RGS16: variants seen among roughly 807,000 people sequenced by gnomAD.
RGS16 encodes hRGS-r.
A neutral mutation model predicts 18.1 loss-of-function variants in RGS16; 12 were observed. The observed-to-expected ratio is 0.66, with a 90% CI of 0.42 to 1.07. The LOEUF (loss-of-function observed/expected upper bound fraction) is 1.07. Ranked by LOEUF, RGS16 falls within the 50% of genes least tolerant of loss-of-function variation. RGS16 has a pLI of 0.00. For missense variants in RGS16, 238 were observed against 249.2 expected (o/e 0.95, Z 0.30); for synonymous variants, 88 against 102.0 (o/e 0.86, Z 0.83).
intron 4 of RGS16, among the ~76,000 whole-genome samples, chr1:182,601,320 C>T (rs1661859330): frequency 6.6e-6 from 1 of 152,140 alleles, no homozygotes; most frequent in African/African-American, 2.4e-5. Flanking sequence ...GGCATCTTCC[C>T]CCATTCAAAT....
chr1:182,600,236 C>T lies in RGS16; in HGVS notation c.*56G>A, dbSNP rs1315397485. The T allele has an allele frequency of 8.9e-6, 13 of 1,461,812 alleles. No homozygotes were observed. Among genetic ancestry groups the T allele is most frequent in the Middle Eastern group, 2.3e-4 (1 of 4,394 alleles). The allele number at this position is 1,461,812 out of a possible 1,614,324, so 90.6% of individuals were successfully genotyped here. On this transcript the variant is annotated 3_prime_UTR_variant, in exon 5 of 5. Transcript: ENST00000367558. Reference sequence around the variant, plus strand: ...GCCTCCCACACAGGGGCAGCCACCTCGGGGATGGGTGACTCAACCTCTCTT... The same window carrying T: ...GCCTCCCACACAGGGGCAGCCACCTTGGGGATGGGTGACTCAACCTCTCTT...
In RGS16 at chr1:182,602,445, C is replaced by T. The variant is rs764867780; in HGVS notation, c.195G>A (p.Ser65=). 1.2e-5 allele frequency: 19 copies of T among 1,613,482 alleles called. No individual in the cohort carries two copies. Among genetic ancestry groups the T allele is most frequent in the South Asian group, 3.3e-5 (3 of 91,044 alleles). The change falls in exon 3 of 5, where the codon TCG becomes TCA. Residue 65 remains serine (S), a synonymous_variant. Transcript: ENST00000367558. ...TTTTACTGCTCAGCAGCAGGTCGAACGACTCTCTCCACCCCAGCACATCTT... is the reference window on the plus strand; with the variant it reads ...TTTTACTGCTCAGCAGCAGGTCGAATGACTCTCTCCACCCCAGCACATCTT... ...FSEDVLGWRE[S]FDLLLSSKNG...
rs1661871372 is a variant in RGS16 at position 182,601,961 on chromosome 1, C to T, written c.387+5G>A. The T allele has an allele frequency of 1.2e-6, 2 of 1,614,040 alleles. No individual in the cohort carries two copies. The highest frequency in any genetic ancestry group is 1.7e-6 in the Non-Finnish European group (2 of 1,180,028). ...AGGATTCACTGGGCATATGGGGGCT[C>T]TAACCTCTTTAGGGGCCTCACTGCA... On this transcript the variant is annotated splice_donor_5th_base_variant and intron_variant, in intron 4 of 4. Coordinates refer to ENST00000367558, the MANE Select transcript of RGS16 (RefSeq NM_002928.4).
chr1:182,601,024 T>G (rs1661855438), intron 4 of RGS16, among the ~76,000 whole-genome samples: 1 of 152,240 alleles, frequency 6.6e-6, no homozygotes, highest in African/African-American at 2.4e-5. Context: ...TCCTCATGCC[T>G]GACCTCATCT....
intron 1 of RGS16, among the ~76,000 whole-genome samples, chr1:182,603,831 C>A (rs1029303132): frequency 1.3e-5 from 2 of 151,830 alleles, no homozygotes; most frequent in African/African-American, 2.4e-5. Flanking sequence ...AAAAAAAAAT[C>A]TCCCTGTCTT....
rs151218756 is a variant in RGS16, at chr1:182,598,977, T to C, written c.*1315A>G. 3.4e-3 allele frequency: 525 copies of C among 152,692 alleles called. No individual in the cohort carries two copies. Among genetic ancestry groups the C allele is most frequent in the Non-Finnish European group, 4.5e-3 (310 of 68,208 alleles). The allele number at this position is 152,692 out of a possible 1,614,324, so 9.5% of individuals were successfully genotyped here. The stretch of plus-strand genomic sequence containing the variant: ...TTAAATAATCTCCTGGAGGAGCTCA[T>C]GGTACAGAGAGAACAGTGTTGATTA... On this transcript the variant is annotated 3_prime_UTR_variant, in exon 5 of 5. Coordinates refer to ENST00000367558, the MANE Select transcript of RGS16 (RefSeq NM_002928.4).
Position 182,601,951 on chromosome 1 carries a change from T to C in RGS16, c.387+15A>G. The C allele has an allele frequency of 6.2e-7, 1 of 1,613,926 alleles. No individual in the cohort carries two copies. Among genetic ancestry groups the C allele is most frequent in the East Asian group, 2.2e-5 (1 of 44,866 alleles). On this transcript the variant is annotated intron_variant, in intron 4 of 4. Transcript: ENST00000367558. ...CAGGGTCGTGAGGATTCACTGGGCA[T>C]ATGGGGGCTCTAACCTCTTTAGGGG...
chr1:182,602,876 A>G (rs763517842), intron 2 of RGS16, among the ~76,000 whole-genome samples: 7 of 152,230 alleles, frequency 4.6e-5, no homozygotes, highest in Non-Finnish European at 1.0e-4. Context: ...TTGATAGCCA[A>G]TATGAAAGAG....
chr1:182,603,337 G>A lies in RGS16; in HGVS notation c.47C>T (p.Ala16Val), dbSNP rs1374633959. Residue 16 changes from alanine to valine, a missense_variant and splice_region_variant, in exon 2 of 5, where the codon GCC becomes GTC. Coordinates refer to ENST00000367558, the MANE Select transcript of RGS16 (RefSeq NM_002928.4). Reference sequence around the variant, plus strand: ...CCCCAGACGTGTCTTGAACTCTTTGGCTCTGAAAAACAAATCAGGAACATG... The same window carrying A: ...CCCCAGACGTGTCTTGAACTCTTTGACTCTGAAAAACAAATCAGGAACATG... Reference protein sequence around the residue: ...AAFPTTCLERAKEFKTRLGIF... With the variant: ...AAFPTTCLERVKEFKTRLGIF... 1 of 1,612,980 alleles carries A rather than the reference G, an allele frequency of 6.2e-7. No individual in the cohort carries two copies. The highest frequency in any genetic ancestry group is 8.5e-7 in the Non-Finnish European group (1 of 1,179,038).
chr1:182,603,415 A>C, intron 1 of RGS16, 76 bp from the exon 2 acceptor site: 5 of 1,264,712 alleles, frequency 4.0e-6, no homozygotes, highest in Non-Finnish European at 5.8e-6. Flanking sequence ...GGGTCCCAGA[A>C]GAGCTCTGGG....
In RGS16 at chr1:182,603,343, A is replaced by C. The variant is rs770222416; in HGVS notation, c.45-4T>G. 1.2e-6 allele frequency: 2 copies of C among 1,610,408 alleles called. No individual in the cohort carries two copies. Among genetic ancestry groups the C allele is most frequent in the Non-Finnish European group, 1.7e-6 (2 of 1,176,614 alleles). On this transcript the variant is annotated splice_polypyrimidine_tract_variant and splice_region_variant and intron_variant, in intron 1 of 4. Coordinates refer to ENST00000367558, the MANE Select transcript of RGS16 (RefSeq NM_002928.4). ...ACGTGTCTTGAACTCTTTGGCTCTG[A>C]AAAACAAATCAGGAACATGAAAGCA...
At chr1:182,601,745 G>C in intron 4 of RGS16, 1 of 579,554 alleles carries the variant, frequency 1.7e-6, no homozygotes, top group Non-Finnish European at 3.1e-6. Context: ...CGAAAAACCT[G>C]CCAACACATC....
intron 1 of RGS16, 122 bp downstream of exon 1, chr1:182,604,093 TC>T (rs1298169641): frequency 7.1e-6 from 7 of 979,868 alleles, no homozygotes; most frequent in Middle Eastern, 2.1e-4. Context: ...CAAGTGCGCT[TC>T]TACCTCTCTA....
intron 2 of RGS16, 72 bp downstream of exon 2, chr1:182,603,157 G>A (rs560761924): frequency 7.3e-6 from 8 of 1,101,854 alleles, no homozygotes; most frequent in Admixed American, 5.1e-5. Flanking sequence ...GCTTCTCCCT[G>A]TATTTCCCTC....
At chr1:182,602,527 A>G (rs775034898) in intron 2 of RGS16, 43 bp from the exon 3 acceptor site, 1 of 1,513,638 alleles carries the variant, frequency 6.6e-7, no homozygotes, top group Non-Finnish European at 9.1e-7. Flanking sequence ...AAAAAAATCA[A>G]CAAACCAAAG....
chr1:182,602,642 C>A (rs1661885844), intron 2 of RGS16, among the ~76,000 whole-genome samples, 158 bp from the exon 3 acceptor site: 2 of 152,206 alleles, frequency 1.3e-5, no homozygotes, highest in Non-Finnish European at 2.9e-5. Flanking sequence ...CTTAGTTGGA[C>A]TTAGGGTAAG....
chr1:182,601,826 C>T, intron 4 of RGS16, 140 bp downstream of exon 4: 5 of 1,022,574 alleles, frequency 4.9e-6, no homozygotes, highest in Middle Eastern at 3.2e-4. Context: ...AGTCTCTGGT[C>T]ACAGAAGCCC....
chr1:182,601,801 G>A (rs1259141087), intron 4 of RGS16, 165 bp downstream of exon 4: 4 of 786,566 alleles, frequency 5.1e-6, no homozygotes, highest in African/African-American at 1.7e-5. Flanking sequence ...GAGTGGCACT[G>A]GGCCTGGCTT....
intron 4 of RGS16, among the ~76,000 whole-genome samples, chr1:182,601,041 C>A (rs932226444): frequency 1.1e-4 from 16 of 152,142 alleles, no homozygotes; most frequent in African/African-American, 3.6e-4. Context: ...ATCTCCTGCT[C>A]TTGCCCTGCT....
Sources: gnomAD v4.1 joint callset for allele counts (sites outside exome capture counted in the v4.1 genomes callset) on GRCh38, gnomAD v4.1.1 for gene constraint, MANE v1.5 for transcripts, NCBI Gene and HGNC (gene_info 2026-07-23, HGNC 2026-07-21) for gene names.